The following ANO3 variants were observed in gnomAD, a reference collection of about 807,000 sequenced individuals.
ANO3 encodes anoctamin-3.
A neutral mutation model predicts 144.8 loss-of-function variants in ANO3; 99 were observed. The ratio of observed to expected loss-of-function variants is 0.68; its 90% CI spans 0.58 to 0.81. The LOEUF (loss-of-function observed/expected upper bound fraction) is 0.81. Among genes scored for constraint, ANO3 ranks in the 30% least tolerant of loss-of-function variants. The pLI, the probability that ANO3 is intolerant of heterozygous loss-of-function variation, is 0.00. For missense variants in ANO3, 905 were observed against 1,202.2 expected, an observed-to-expected ratio of 0.75 and a Z score of 3.66; for synonymous variants, 414 against 392.6, an observed-to-expected ratio of 1.05 and a Z score of -0.64.
intron 3 of ANO3, among the ~76,000 whole-genome samples, chr11:26,449,520 C>T (rs1371791607): frequency 1.1e-5 from 1 of 88,376 alleles, no homozygotes; most frequent in African/African-American, 3.1e-5. Flanking sequence ...CACACACACA[C>T]GCACGCACAT....
At chr11:26,452,429 G>A (rs1290174676) in intron 3 of ANO3, among the ~76,000 whole-genome samples, 1 of 152,184 alleles carries the variant, frequency 6.6e-6, no homozygotes. Flanking sequence ...ACTACGTGAA[G>A]AATGCAGAAG....
rs1010259835 is a variant in ANO3, at chr11:26,359,818, G to A, written c.46+27497G>A. Among the ~76,000 whole-genome samples the A allele has an allele frequency of 5.3e-5, 8 of 151,728 alleles. 1 individual carries two copies. Among genetic ancestry groups the A allele is most frequent in the Non-Finnish European group, 8.8e-5 (6 of 67,986 alleles). ...TTCTTGCAAACCATTACTTCAGATG[G>A]GAAGGTATATCTAGTTCCCAGTTTT... On this transcript the variant is annotated intron_variant, in intron 1 of 26. Coordinates refer to ENST00000256737, the MANE Select transcript of ANO3 (RefSeq NM_031418.4).
intron 14 of ANO3, among the ~76,000 whole-genome samples, chr11:26,598,152 G>C (rs1335966761): frequency 2.6e-5 from 4 of 152,082 alleles, no homozygotes; most frequent in Non-Finnish European, 5.9e-5. Context: ...CTTGGTTCCA[G>C]TAAAAGAAAT....
chr11:26,295,082 T>A (rs931665137), intron 1 of ANO3, among the ~76,000 whole-genome samples: 1 of 151,750 alleles, frequency 6.6e-6, no homozygotes. Context: ...GTTGTTGTTG[T>A]TGTTTTGTAT....
chr11:26,262,854 T>C (rs549289336), intron 1 of ANO3, among the ~76,000 whole-genome samples: 19 of 152,132 alleles, frequency 1.2e-4, no homozygotes, highest in Admixed American at 1.1e-3. Flanking sequence ...AGCTGCACAT[T>C]GATCTTGGGC....
At chr11:26,546,782 G>A (rs147324253) in intron 11 of ANO3, among the ~76,000 whole-genome samples, 24 of 152,120 alleles carry the variant, frequency 1.6e-4, no homozygotes, top group African/African-American at 5.1e-4. Context: ...TACTAGTGAA[G>A]CAACACACAG....
intron 1 of ANO3, among the ~76,000 whole-genome samples, chr11:26,377,216 C>G (rs554668584): frequency 6.6e-6 from 1 of 152,148 alleles, no homozygotes; most frequent in East Asian, 1.9e-4. Context: ...ACAATACACA[C>G]AATGTATGGA....
intron 1 of ANO3, among the ~76,000 whole-genome samples, chr11:26,349,652 C>T (rs1302248319): frequency 6.6e-6 from 1 of 152,078 alleles, no homozygotes; most frequent in Non-Finnish European, 1.5e-5. Flanking sequence ...GGGTTCACGC[C>T]ATTCTCCTGC....
At chr11:26,361,121 T>C (rs1011020072) in intron 1 of ANO3, among the ~76,000 whole-genome samples, 1 of 152,182 alleles carries the variant, frequency 6.6e-6, no homozygotes, top group Admixed American at 6.6e-5. Flanking sequence ...TTTAACTATA[T>C]CGGAGGTTAG....
At chr11:26,304,482 G>A (rs1854320433) in intron 1 of ANO3, among the ~76,000 whole-genome samples, 1 of 151,994 alleles carries the variant, frequency 6.6e-6, no homozygotes, top group East Asian at 1.9e-4. Context: ...CAAAGACACT[G>A]TACACAGGTA....
At chr11:26,484,994 T>C (rs1251416085) in intron 4 of ANO3, among the ~76,000 whole-genome samples, 2 of 152,230 alleles carry the variant, frequency 1.3e-5, no homozygotes, top group Non-Finnish European at 2.9e-5. Context: ...GTTTACCTAA[T>C]GCCTGTATCC....
intron 17 of ANO3, among the ~76,000 whole-genome samples, chr11:26,601,077 A>C (rs1851788918): frequency 6.6e-6 from 1 of 152,214 alleles, no homozygotes; most frequent in Non-Finnish European, 1.5e-5. Flanking sequence ...CCACAAAGTC[A>C]ATTTATCCTT....
At chr11:26,457,134 G>C (rs373373689) in intron 3 of ANO3, among the ~76,000 whole-genome samples, 1 of 149,718 alleles carries the variant, frequency 6.7e-6, no homozygotes, top group East Asian at 2.0e-4. Context: ...TAGATGACGA[G>C]TTAGTGGGTG....
At chr11:26,208,896 G>C (rs1448519688) in intron 1 of ANO3, among the ~76,000 whole-genome samples, 3 of 152,122 alleles carry the variant, frequency 2.0e-5, no homozygotes, top group East Asian at 3.9e-4. Context: ...TATGATCCTG[G>C]AAATGTAAGA....
At chr11:26,233,636 T>C (rs1040100179) in intron 1 of ANO3, among the ~76,000 whole-genome samples, 4 of 152,176 alleles carry the variant, frequency 2.6e-5, no homozygotes, top group African/African-American at 9.7e-5. Context: ...TAAAGACACA[T>C]GCACACATAT....
chr11:26,380,026 T>G (rs1190762769), intron 1 of ANO3, among the ~76,000 whole-genome samples: 1 of 152,150 alleles, frequency 6.6e-6, no homozygotes, highest in Non-Finnish European at 1.5e-5. Flanking sequence ...GTCTACAACT[T>G]CTGAGTTGTT....
intron 5 of ANO3, among the ~76,000 whole-genome samples, chr11:26,511,230 C>T (rs958884655): frequency 2.6e-5 from 4 of 152,128 alleles, no homozygotes; most frequent in African/African-American, 9.7e-5. Flanking sequence ...GACTTAGTTT[C>T]CTAACAGTGA....
chr11:26,531,858 T>C (rs1214030999), intron 8 of ANO3, among the ~76,000 whole-genome samples: 2 of 152,248 alleles, frequency 1.3e-5, no homozygotes, highest in African/African-American at 2.4e-5. Context: ...CCTGTTTATT[T>C]ATTCATGTTT....
At chr11:26,555,729 C>T (rs1850065232) in intron 13 of ANO3, among the ~76,000 whole-genome samples, 2 of 152,098 alleles carry the variant, frequency 1.3e-5, no homozygotes, top group Admixed American at 6.6e-5. Flanking sequence ...ATAAGAGTTC[C>T]TCTTCCCTTA....
Sources: allele counts gnomAD v4.1 joint callset (sites outside exome capture counted in the v4.1 genomes callset), GRCh38; gene constraint gnomAD v4.1.1; transcripts MANE v1.5; gene names NCBI Gene and HGNC (gene_info 2026-07-23, HGNC 2026-07-21).